SPOCK1: variants seen among roughly 807,000 people sequenced by gnomAD.
The protein encoded by SPOCK1 is testican-1.
SPOCK1 carries 23 observed loss-of-function variants against 55.3 expected under a neutral mutation model. That is an observed-to-expected ratio of 0.42 (90% CI 0.30 to 0.59). The LOEUF is 0.59. Ranked by LOEUF, SPOCK1 falls within the 20% of genes least tolerant of loss-of-function variation. SPOCK1 has a pLI of 0.22. For synonymous variants in SPOCK1, 226 were observed against 221.0 expected (o/e 1.02, Z -0.20); for missense variants, 499 against 552.5 (o/e 0.90, Z 0.97).
intron 3 of SPOCK1, among the ~76,000 whole-genome samples, chr5:137,156,907 C>A (rs1387719355): frequency 6.6e-6 from 1 of 152,128 alleles, no homozygotes; most frequent in Non-Finnish European, 1.5e-5. Context: ...TGTGTGGTGA[C>A]CAGCCCATAT....
chr5:137,347,711 C>G lies in SPOCK1; in HGVS notation c.187-80656G>C, dbSNP rs192193760. 4.0e-5 allele frequency among the ~76,000 whole-genome samples: 6 copies of G among 151,886 alleles called. No homozygotes were observed. The East Asian group carries it at 1.2e-3, about 29-fold the overall frequency. ...CAGTCTGGGCAACAGGGCAAGACTC[C>G]ATCTCAAAACAAAAAACAAAAAACA... On this transcript the variant is annotated intron_variant, in intron 2 of 10. Coordinates refer to ENST00000394945, the MANE Select transcript of SPOCK1 (RefSeq NM_004598.4).
At chr5:137,400,125 T>C (rs1751944362) in intron 2 of SPOCK1, among the ~76,000 whole-genome samples, 1 of 152,236 alleles carries the variant, frequency 6.6e-6, no homozygotes, top group Non-Finnish European at 1.5e-5. Flanking sequence ...TTAACTGGGA[T>C]ATTCTTGCCC....
chr5:136,979,563 G>T, intron 9 of SPOCK1, 94 bp from the exon 10 acceptor site: 1 of 1,470,432 alleles, frequency 6.8e-7, no homozygotes, highest in Non-Finnish European at 9.2e-7. Context: ...TCACATGTCA[G>T]AATATCTGCT....
chr5:137,000,273 T>C (rs1751124618), intron 6 of SPOCK1, among the ~76,000 whole-genome samples: 1 of 152,118 alleles, frequency 6.6e-6, no homozygotes, highest in Non-Finnish European at 1.5e-5. Context: ...CTCAGAGTGT[T>C]TGCAATTAGT....
intron 6 of SPOCK1, among the ~76,000 whole-genome samples, chr5:137,035,737 T>C (rs373674560): frequency 2.0e-4 from 30 of 152,246 alleles, no homozygotes; most frequent in East Asian, 5.8e-4. Flanking sequence ...GGAGCTGTGG[T>C]GGGGAGCATG....
intron 2 of SPOCK1, among the ~76,000 whole-genome samples, chr5:137,400,732 C>T (rs1402145629): frequency 6.6e-6 from 1 of 152,142 alleles, no homozygotes; most frequent in African/African-American, 2.4e-5. Context: ...TTAGCGGGCC[C>T]TTGAGAAGAC....
At chr5:137,301,008 G>A (rs1288624527) in intron 2 of SPOCK1, among the ~76,000 whole-genome samples, 3 of 152,186 alleles carry the variant, frequency 2.0e-5, no homozygotes, top group Non-Finnish European at 4.4e-5. Context: ...AGACCATGTG[G>A]TCTTAATAAA....
chr5:137,469,967 G>A (rs1051610096), intron 2 of SPOCK1, among the ~76,000 whole-genome samples: 4 of 152,310 alleles, frequency 2.6e-5, no homozygotes, highest in African/African-American at 9.6e-5. Context: ...CCAGAGGCTG[G>A]CTGTGAAAAG....
chr5:137,233,706 A>G (rs1756116390), intron 3 of SPOCK1, among the ~76,000 whole-genome samples: 1 of 126,100 alleles, frequency 7.9e-6, no homozygotes, highest in Non-Finnish European at 1.6e-5. Context: ...TAGTATGAGG[A>G]TATGCACTTT....
chr5:137,263,248 T>C (rs1209997885), intron 3 of SPOCK1, among the ~76,000 whole-genome samples: 1 of 152,212 alleles, frequency 6.6e-6, no homozygotes. Context: ...GAAAGACGCC[T>C]CAGAGTTTTT....
At chr5:137,200,996 C>T (rs568270226) in intron 3 of SPOCK1, among the ~76,000 whole-genome samples, 4 of 152,244 alleles carry the variant, frequency 2.6e-5, no homozygotes, top group Admixed American at 6.5e-5. Context: ...ACAACACAGC[C>T]GGGGATTTGT....
At chr5:137,198,172 A>G (rs12517956) in intron 3 of SPOCK1, among the ~76,000 whole-genome samples, 11,849 of 152,244 alleles carry the variant, frequency 0.078, 977 homozygotes, top group African/African-American at 0.2. Flanking sequence ...CACATATTCT[A>G]TTCTATAAAA....
intron 2 of SPOCK1, chr5:137,364,994 T>C (rs554238832): frequency 1.3e-5 from 2 of 152,420 alleles, no homozygotes; most frequent in South Asian, 2.1e-4. Context: ...AGATGGAATG[T>C]GAGCTCCTCA....
intron 2 of SPOCK1, among the ~76,000 whole-genome samples, chr5:137,403,674 T>C (rs145387748): frequency 1.3e-4 from 3 of 22,952 alleles, no homozygotes; most frequent in East Asian, 3.0e-3. Flanking sequence ...GCCAAGCAGA[T>C]ATCTAGAGGG....
chr5:137,371,597 G>A (rs1001923967), intron 2 of SPOCK1, among the ~76,000 whole-genome samples: 5 of 152,144 alleles, frequency 3.3e-5, no homozygotes. Flanking sequence ...GAGCCAAGGG[G>A]ATGAGGATTA....
At chr5:137,365,980 A>T (rs773225688) in intron 2 of SPOCK1, among the ~76,000 whole-genome samples, 5 of 149,730 alleles carry the variant, frequency 3.3e-5, no homozygotes, top group Non-Finnish European at 7.4e-5. Context: ...GAAAAAAGCA[A>T]ATCCTCATGA....
intron 2 of SPOCK1, among the ~76,000 whole-genome samples, chr5:137,403,455 T>C (rs1752027789): frequency 6.6e-6 from 1 of 152,174 alleles, no homozygotes; most frequent in African/African-American, 2.4e-5. Flanking sequence ...CTTGCCATCA[T>C]CAAATTCACA....
At chr5:137,321,652 G>C (rs1371888168) in intron 2 of SPOCK1, among the ~76,000 whole-genome samples, 1 of 152,090 alleles carries the variant, frequency 6.6e-6, no homozygotes, top group Non-Finnish European at 1.5e-5. Flanking sequence ...GAGGCAGGTG[G>C]ATCACGAGGT....
intron 3 of SPOCK1, among the ~76,000 whole-genome samples, chr5:137,240,264 G>C (rs184875709): frequency 2.4e-4 from 36 of 152,304 alleles, no homozygotes; most frequent in African/African-American, 7.2e-4. Context: ...TAAGAAAAGA[G>C]ATTGGATTCT....
Sources: gnomAD v4.1 joint callset for allele counts (sites outside exome capture counted in the v4.1 genomes callset) on GRCh38, gnomAD v4.1.1 for gene constraint, MANE v1.5 for transcripts, NCBI Gene and HGNC (gene_info 2026-07-23, HGNC 2026-07-21) for gene names.